Variants in SH3D19 observed in about 807,000 individuals in gnomAD.
SH3D19 encodes SH3 domain containing 19, also known as SH3 domain-containing protein 19.
Under a neutral mutation model 112.1 loss-of-function variants are expected in SH3D19, and 58 were observed. The observed-to-expected ratio is 0.52, with a 90% confidence interval of 0.42 to 0.64. The LOEUF is 0.64. Ranked by LOEUF, SH3D19 falls within the 30% of genes least tolerant of loss-of-function variation. The pLI, the probability that SH3D19 is intolerant of heterozygous loss-of-function variation, is 0.00. For missense variants in SH3D19, 1,090 were observed against 1,263.4 expected (o/e 0.86, Z 2.08); for synonymous variants, 391 against 448.5 (o/e 0.87, Z 1.62).
chr4:151,277,174 T>A (rs780186394), intron 1 of SH3D19: 2 of 1,481,944 alleles, frequency 1.3e-6, no homozygotes, highest in Non-Finnish European at 1.8e-6. Context: ...GACAGAGACA[T>A]GGGCCCTGCT....
In SH3D19 at chr4:151,135,151, A is replaced by G; in HGVS notation, c.2428-19T>C. On this transcript the variant is annotated intron_variant, in intron 14 of 19. Coordinates refer to ENST00000604030, the MANE Select transcript of SH3D19 (RefSeq NM_001378122.1). ...TATCAATCTAGCAAAGATAAAATCA[A>G]GGCAACAATTATATTTTTTTCAGAT... is the stretch of plus-strand genomic sequence containing the variant. 5.1e-6 allele frequency: 8 copies of G among 1,569,042 alleles called. No individual in the cohort carries two copies. The highest frequency in any genetic ancestry group is 6.9e-6 in the Non-Finnish European group (8 of 1,157,032).
intron 1 of SH3D19, among the ~76,000 whole-genome samples, chr4:151,264,204 G>A (rs1450859802): frequency 1.3e-5 from 2 of 152,026 alleles, no homozygotes; most frequent in African/African-American, 4.8e-5. Context: ...GCTGAGGTGG[G>A]CAGATCACCT....
At chr4:151,205,413 G>C (rs1382648804) in intron 2 of SH3D19, among the ~76,000 whole-genome samples, 1 of 152,214 alleles carries the variant, frequency 6.6e-6, no homozygotes, top group East Asian at 1.9e-4. Flanking sequence ...TGGAGACACA[G>C]AGAATGTAGG....
At chr4:151,207,077 G>C (rs560258005) in intron 2 of SH3D19, among the ~76,000 whole-genome samples, 3 of 152,282 alleles carry the variant, frequency 2.0e-5, no homozygotes, top group Admixed American at 6.5e-5. Context: ...AGTTCTATCA[G>C]CTATGGCCAA....
chr4:151,147,701 G>A (rs1754174469), intron 11 of SH3D19, among the ~76,000 whole-genome samples: 1 of 152,154 alleles, frequency 6.6e-6, no homozygotes, highest in African/African-American at 2.4e-5. Context: ...GCCTCAAGCT[G>A]ATCCACCAGC....
chr4:151,139,995 A>C lies in SH3D19; in HGVS notation c.2224-148T>G, dbSNP rs932183829. ...ATGATGCAAACCACACAGTTGAGCC[A>C]AACAAGGGAATTATTATCAAGTTGA... On this transcript the variant is annotated intron_variant, in intron 12 of 19. Coordinates refer to ENST00000604030, the MANE Select transcript of SH3D19 (RefSeq NM_001378122.1). 7.0e-6 allele frequency: 4 copies of C among 570,148 alleles called. No homozygotes were observed. The African/African-American group carries it at 7.6e-5, about 11-fold the overall frequency. The allele number at this position is 570,148 out of a possible 1,614,324, so 35.3% of individuals were successfully genotyped here.
At chr4:151,256,967 C>T (rs775303360) in intron 1 of SH3D19, among the ~76,000 whole-genome samples, 15 of 151,964 alleles carry the variant, frequency 9.9e-5, no homozygotes, top group African/African-American at 3.6e-4. Context: ...GTCTCGAATT[C>T]GTGGCTTCAA....
chr4:151,284,770 A>C (rs1774581479), intron 1 of SH3D19, among the ~76,000 whole-genome samples: 1 of 152,236 alleles, frequency 6.6e-6, no homozygotes, highest in Admixed American at 6.5e-5. Flanking sequence ...ACGGGAAGTC[A>C]ACTTGGCTGA....
At chr4:151,325,205 C>G (rs917493982) in intron 1 of SH3D19, 36 bp downstream of exon 1, 10 of 1,160,174 alleles carry the variant, frequency 8.6e-6, no homozygotes, top group Non-Finnish European at 1.1e-5. Flanking sequence ...GCGCGCAGCT[C>G]TGGGTCCCCG....
intron 2 of SH3D19, among the ~76,000 whole-genome samples, chr4:151,218,636 G>C (rs1223594399): frequency 1.3e-5 from 2 of 152,116 alleles, no homozygotes; most frequent in Admixed American, 6.6e-5. Flanking sequence ...CTTAGCTTAA[G>C]AAATAAAACA....
intron 19 of SH3D19, among the ~76,000 whole-genome samples, chr4:151,123,860 C>T (rs188245895): frequency 6.6e-5 from 10 of 152,156 alleles, no homozygotes; most frequent in Admixed American, 6.5e-4. Flanking sequence ...AGCCCTAGTA[C>T]ATTACCCTCT....
chr4:151,212,685 A>G (rs1766163907), intron 2 of SH3D19, among the ~76,000 whole-genome samples: 1 of 152,228 alleles, frequency 6.6e-6, no homozygotes, highest in South Asian at 2.1e-4. Flanking sequence ...GGAGATTCAT[A>G]TTGTTTTCAT....
intron 1 of SH3D19, among the ~76,000 whole-genome samples, chr4:151,241,968 G>T (rs541800046): frequency 1.3e-5 from 2 of 152,200 alleles, no homozygotes; most frequent in South Asian, 4.2e-4. Flanking sequence ...TGCGGTGTGA[G>T]GATTGCTTGA....
intron 1 of SH3D19, among the ~76,000 whole-genome samples, chr4:151,234,475 C>T (rs1323180609): frequency 5.3e-5 from 8 of 152,060 alleles, no homozygotes; most frequent in African/African-American, 1.9e-4. Flanking sequence ...GGGAGGGGAG[C>T]GGCAAGGGAA....
At chr4:151,320,010 A>G (rs1249516268) in intron 1 of SH3D19, among the ~76,000 whole-genome samples, 1 of 152,202 alleles carries the variant, frequency 6.6e-6, no homozygotes, top group East Asian at 1.9e-4. Flanking sequence ...AATGTTTGTG[A>G]GCCTCAGTCT....
At position 151,174,850 on chromosome 4, in the gene SH3D19, C is replaced by A; in HGVS notation, c.1354G>T (p.Gly452Trp). 1.3e-6 allele frequency: 2 copies of A among 1,594,900 alleles called. No homozygotes were observed. Among genetic ancestry groups the A allele is most frequent in the Non-Finnish European group, 1.7e-6 (2 of 1,170,652 alleles). The change falls in exon 7 of 20, where the codon GGG becomes TGG. Residue 452 changes from glycine (G) to tryptophan (W), a missense_variant. Transcript: ENST00000604030. ...TTGTATGCTTTGGCTTGTGATGCCC[C>A]TGCGAGTCGGGGAGGAACAGTGACA... is the stretch of plus-strand genomic sequence containing the variant. Reference protein sequence around the residue: ...KPVTVPPRLAGASQAKAYKSL... With the variant: ...KPVTVPPRLAWASQAKAYKSL...
chr4:151,291,298 T>C, intron 1 of SH3D19: 1 of 1,614,024 alleles, frequency 6.2e-7, no homozygotes, highest in Non-Finnish European at 8.5e-7. Flanking sequence ...CTCTGACTTC[T>C]TGTTCCCTAT....
At chr4:151,214,949 T>C (rs1222184242) in intron 2 of SH3D19, among the ~76,000 whole-genome samples, 1 of 137,910 alleles carries the variant, frequency 7.3e-6, no homozygotes, top group Non-Finnish European at 1.6e-5. Context: ...TCCTCCCTTC[T>C]CAGATGGGGC....
At chr4:151,137,598 T>C (rs1464351690) in intron 14 of SH3D19, 134 bp downstream of exon 14, 2 of 679,654 alleles carry the variant, frequency 2.9e-6, no homozygotes, top group East Asian at 3.0e-5. Context: ...ATCTTTATTT[T>C]TGAATTTTCC....
Sources: allele counts gnomAD v4.1 joint callset (sites outside exome capture counted in the v4.1 genomes callset), GRCh38; gene constraint gnomAD v4.1.1; transcripts MANE v1.5; gene names NCBI Gene and HGNC (gene_info 2026-07-23, HGNC 2026-07-21).